GATA4: variants seen among roughly 807,000 people sequenced by gnomAD.
GATA4 encodes the protein GATA binding protein 4.
A neutral mutation model predicts 37.9 loss-of-function variants in GATA4; 7 were observed. That is an observed-to-expected ratio of 0.18 (90% CI 0.11 to 0.35). GATA4 has a LOEUF of 0.35. Among genes scored for constraint, GATA4 ranks in the 10% least tolerant of loss-of-function variants. The pLI is 1.00. For missense variants in GATA4, 647 were observed against 653.0 expected, an observed-to-expected ratio of 0.99 and a Z score of 0.10; for synonymous variants, 372 against 292.6, an observed-to-expected ratio of 1.27 and a Z score of -2.77.
upstream of GATA4, among the ~76,000 whole-genome samples, chr8:11,691,555 G>C (rs1799314406): frequency 6.6e-6 from 1 of 152,216 alleles, no homozygotes; most frequent in Non-Finnish European, 1.5e-5. Context: ...GTTGGGATAG[G>C]AAGGAACCTG....
chr8:11,704,547 T>G (rs896211232), intron 1 of GATA4, among the ~76,000 whole-genome samples: 51 of 152,234 alleles, frequency 3.4e-4, no homozygotes, highest in African/African-American at 1.1e-3. Flanking sequence ...TTGGATTCTT[T>G]CCGTGTGAAC....
chr8:11,759,043 G>T lies in GATA4; in HGVS notation c.*568G>T. On this transcript the variant is annotated 3_prime_UTR_variant, in exon 7 of 7. Coordinates refer to ENST00000532059, the MANE Select transcript of GATA4 (RefSeq NM_001308093.3). ...GAACACTTCCTGGGGAGCTACAGGG[G>T]CACTTAACCCACCACAGCACAGCCT... 5.8e-6 allele frequency: 1 copy of T among 171,738 alleles called. No homozygotes were observed. The highest frequency in any genetic ancestry group is 1.3e-5 in the Non-Finnish European group (1 of 79,040). 10.6% of individuals were successfully genotyped at this position (171,738 alleles called of 1,614,324 possible).
intron 1 of GATA4, chr8:11,705,799 C>T (rs1290400239): frequency 6.6e-6 from 1 of 152,158 alleles, no homozygotes; most frequent in Non-Finnish European, 1.5e-5. Flanking sequence ...GTGATAAAGA[C>T]AAATATTAGA....
intron 2 of GATA4, among the ~76,000 whole-genome samples, chr8:11,743,752 G>A (rs1289088452): frequency 1.3e-5 from 2 of 152,232 alleles, no homozygotes; most frequent in Non-Finnish European, 2.9e-5. Context: ...GAAGTCAGGG[G>A]TGGGATGTTT....
chr8:11,706,904 G>C (rs552067136), intron 1 of GATA4, among the ~76,000 whole-genome samples: 2 of 152,128 alleles, frequency 1.3e-5, no homozygotes, highest in Non-Finnish European at 2.9e-5. Flanking sequence ...CAGACAGCAG[G>C]TAATTCAAAA....
intron 4 of GATA4, among the ~76,000 whole-genome samples, chr8:11,752,042 TA>T (rs1173218959): frequency 1.3e-5 from 2 of 152,092 alleles, no homozygotes; most frequent in Non-Finnish European, 2.9e-5. Flanking sequence ...TAAAACCCCA[TA>T]AAGGAATGGT....
chr8:11,682,170 G>C (rs753476458), intron 1 of GATA4, among the ~76,000 whole-genome samples: 5 of 152,192 alleles, frequency 3.3e-5, no homozygotes, highest in Non-Finnish European at 5.9e-5. Flanking sequence ...TGTCTGACAA[G>C]ATTGATTCAC....
At chr8:11,686,612 C>G (rs1480397527) in intron 1 of GATA4, among the ~76,000 whole-genome samples, 3 of 152,190 alleles carry the variant, frequency 2.0e-5, no homozygotes, top group Non-Finnish European at 4.4e-5. Context: ...TTCCAGCCCC[C>G]TACACTGCAC....
At chr8:11,755,660 C>A (rs139612782) in intron 5 of GATA4, among the ~76,000 whole-genome samples, 1 of 152,260 alleles carries the variant, frequency 6.6e-6, no homozygotes, top group East Asian at 1.9e-4. Flanking sequence ...CAGTTTATGA[C>A]CCCATTTTAC....
chr8:11,754,270 G>A (rs1802445428), intron 4 of GATA4, among the ~76,000 whole-genome samples: 1 of 152,240 alleles, frequency 6.6e-6, no homozygotes, highest in Admixed American at 6.5e-5. Context: ...AGGCTGGAGT[G>A]CAGTGGCACG....
Position 11,749,499 on chromosome 8 carries a change from G to C in GATA4, c.786+414G>C, listed in dbSNP as rs1802189391. On this transcript the variant is annotated intron_variant, in intron 3 of 6. Coordinates refer to ENST00000532059, the MANE Select transcript of GATA4 (RefSeq NM_001308093.3). The surrounding 1 kb of genome is among the most constrained non-coding windows in gnomAD (Gnocchi z 4.6). ...CTACCCTGACCTCAGTTGATCAGTT[G>C]ATAAATCCCAAAGCCCAGAAGTGCA... Among the ~76,000 whole-genome samples, 1 of 152,178 alleles carries C rather than the reference G, an allele frequency of 6.6e-6. No homozygotes were observed. Among genetic ancestry groups the C allele is most frequent in the Non-Finnish European group, 1.5e-5 (1 of 68,036 alleles).
At position 11,709,926 on chromosome 8, in the gene GATA4, G is replaced by C. The variant is rs930873692; in HGVS notation, c.616+998G>C. On this transcript the variant is annotated intron_variant, in intron 2 of 6. Transcript: ENST00000532059. The surrounding 1 kb of genome is among the most constrained non-coding windows in gnomAD (Gnocchi z 4.3). The stretch of plus-strand genomic sequence containing the variant: ...TCTGGAATTTCGGGAAGAGACGGAG[G>C]AGTGAGTTTGGATTGAGCCCACCCT... Among the ~76,000 whole-genome samples the C allele has an allele frequency of 3.9e-5, 6 of 152,192 alleles. No homozygotes were observed. The highest frequency in any genetic ancestry group is 1.4e-4 in the African/African-American group (6 of 41,456).
upstream of GATA4, among the ~76,000 whole-genome samples, chr8:11,690,190 G>T (rs1184133548): frequency 6.6e-6 from 1 of 152,200 alleles, no homozygotes; most frequent in Non-Finnish European, 1.5e-5. Flanking sequence ...GGCATCTTCC[G>T]CACATGAGCC....
intron 2 of GATA4, among the ~76,000 whole-genome samples, chr8:11,731,070 C>A (rs543899292): frequency 6.6e-6 from 1 of 152,212 alleles, no homozygotes; most frequent in African/African-American, 2.4e-5. Context: ...TTTTTCATTT[C>A]CTTACCTGTA....
intron 6 of GATA4, among the ~76,000 whole-genome samples, chr8:11,757,531 C>A (rs1802658300): frequency 6.6e-6 from 1 of 152,234 alleles, no homozygotes; most frequent in Non-Finnish European, 1.5e-5. Context: ...GCAAGTCTGC[C>A]TCCTACGTGC....
chr8:11,758,242 A>C, intron 6 of GATA4, 51 bp from the exon 7 acceptor site: 1 of 1,601,056 alleles, frequency 6.2e-7, no homozygotes, highest in Non-Finnish European at 8.6e-7. Context: ...AGACCTCCCA[A>C]GCCCTCAGGA....
chr8:11,689,837 T>C (rs1799254944), upstream of GATA4, among the ~76,000 whole-genome samples: 1 of 152,134 alleles, frequency 6.6e-6, no homozygotes, highest in Non-Finnish European at 1.5e-5. Context: ...ACTGATTACA[T>C]CAGGGCGAGG....
intron 1 of GATA4, among the ~76,000 whole-genome samples, chr8:11,677,680 A>T (rs1385484125): frequency 6.6e-6 from 1 of 152,200 alleles, no homozygotes; most frequent in Non-Finnish European, 1.5e-5. Context: ...ATTAGTTAGT[A>T]GCTAGGTCTC....
chr8:11,728,115 C>G (rs543594253), intron 2 of GATA4, among the ~76,000 whole-genome samples: 1 of 151,886 alleles, frequency 6.6e-6, no homozygotes, highest in African/African-American at 2.4e-5. Context: ...CTCAGCCTCC[C>G]GAGCAGCTGG....
Sources: allele counts gnomAD v4.1 joint callset (sites outside exome capture counted in the v4.1 genomes callset), GRCh38; gene constraint gnomAD v4.1.1; non-coding constraint Gnocchi (gnomAD v3.1); transcripts MANE v1.5; gene names NCBI Gene and HGNC (gene_info 2026-07-23, HGNC 2026-07-21).